GABRB3: variants seen among roughly 807,000 people sequenced by gnomAD.
GABRB3 encodes the protein gamma-aminobutyric acid receptor subunit beta-3.
GABRB3 carries 14 observed loss-of-function variants against 52.1 expected under a neutral mutation model. The ratio of observed to expected loss-of-function variants is 0.27; its 90% CI spans 0.18 to 0.42. The LOEUF (loss-of-function observed/expected upper bound fraction) is 0.42, where lower values mean the gene tolerates loss of function less well. Among genes scored for constraint, GABRB3 ranks in the 10% least tolerant of loss-of-function variants. GABRB3 has a pLI of 1.00. For missense variants in GABRB3, 307 were observed against 609.1 expected (o/e 0.50, Z 5.22); for synonymous variants, 260 against 232.3 (o/e 1.12, Z -1.08).
Position 26,647,794 on chromosome 15 carries a change from G to C in GABRB3, c.241-26260C>G, listed in dbSNP as rs752256402. On this transcript the variant is annotated intron_variant, in intron 3 of 8. Coordinates refer to ENST00000311550, the MANE Select transcript of GABRB3 (RefSeq NM_000814.6). ...AAAGGCAGGATAAGGCAGGATCCCA[G>C]AGCGGGGCTGCCTGGCCAGCACTAG... Among the ~76,000 whole-genome samples, 9 of 151,726 alleles carry C rather than the reference G, an allele frequency of 5.9e-5. No individual in the cohort carries two copies. The East Asian group carries it at 7.7e-4, about 13-fold the overall frequency.
chr15:26,640,769 G>A (rs144653531), intron 3 of GABRB3, among the ~76,000 whole-genome samples: 16 of 152,346 alleles, frequency 1.1e-4, no homozygotes, highest in African/African-American at 3.6e-4. Context: ...CCACCGCGGA[G>A]ATGATTACAC....
intron 3 of GABRB3, among the ~76,000 whole-genome samples, chr15:26,684,718 A>G (rs893147541): frequency 8.5e-5 from 13 of 152,090 alleles, no homozygotes; most frequent in Non-Finnish European, 1.2e-4. Context: ...GAGAGAGAGA[A>G]AGAGAGAGAC....
chr15:26,624,257 G>A (rs1476633033), intron 3 of GABRB3: 2 of 985,618 alleles, frequency 2.0e-6, no homozygotes, highest in Non-Finnish European at 2.4e-6. Flanking sequence ...CAAAGTTGTG[G>A]TTTCACAACA....
At chr15:26,707,587 T>C (rs897630295) in intron 3 of GABRB3, among the ~76,000 whole-genome samples, 1 of 152,214 alleles carries the variant, frequency 6.6e-6, no homozygotes, top group Admixed American at 6.5e-5. Flanking sequence ...GCATTCATTA[T>C]TGGCAATGGT....
At chr15:26,643,032 A>G (rs368301146) in intron 3 of GABRB3, among the ~76,000 whole-genome samples, 66 of 152,090 alleles carry the variant, frequency 4.3e-4, no homozygotes, top group African/African-American at 1.6e-3. Flanking sequence ...CCATCTCACC[A>G]AAGAACCCTC....
At chr15:26,652,788 G>A (rs1180183500) in intron 3 of GABRB3, among the ~76,000 whole-genome samples, 1 of 152,122 alleles carries the variant, frequency 6.6e-6, no homozygotes, top group East Asian at 1.9e-4. Flanking sequence ...CTGCAACAAT[G>A]AAAATGTTTA....
At position 26,771,541 on chromosome 15, in the gene GABRB3, T is replaced by C. The variant is rs150441527; in HGVS notation, c.240+861A>G. ...TCCAGAGTGTCCCTCCGCAGAAAAC[T>C]AAACTAGTTTTCAAATCCCACGGCG... On this transcript the variant is annotated intron_variant, in intron 3 of 8. Transcript: ENST00000311550. Among the ~76,000 whole-genome samples the C allele has an allele frequency of 2.7e-3, 412 of 152,310 alleles. 3 individuals carry two copies. Among genetic ancestry groups the C allele is most frequent in the African/African-American group, 9.4e-3 (392 of 41,576 alleles).
At chr15:26,683,833 T>C (rs1888317245) in intron 3 of GABRB3, among the ~76,000 whole-genome samples, 2 of 152,096 alleles carry the variant, frequency 1.3e-5, no homozygotes, top group Admixed American at 1.3e-4. Context: ...AAGGAAAGAA[T>C]GGCATGAAGA....
rs1889234207 is a variant in GABRB3 at position 26,546,221 on chromosome 15, T to C, written c.*1572A>G. On this transcript the variant is annotated 3_prime_UTR_variant, in exon 9 of 9. Coordinates refer to ENST00000311550, the MANE Select transcript of GABRB3 (RefSeq NM_000814.6). ...TTTTTCTCCAAATGCTCAACTTCAC[T>C]GTGACACCTGTTTGCACAACTGTAG... The C allele has an allele frequency of 1.3e-5, 2 of 152,778 alleles. No homozygotes were observed. The highest frequency in any genetic ancestry group is 2.4e-5 in the African/African-American group (1 of 41,586). 9.5% of individuals were successfully genotyped at this position (152,778 alleles called of 1,614,324 possible).
chr15:26,712,685 C>T (rs1026201711), intron 3 of GABRB3, among the ~76,000 whole-genome samples: 9 of 152,054 alleles, frequency 5.9e-5, no homozygotes, highest in Non-Finnish European at 1.3e-4. Context: ...GTCAGTGTTG[C>T]TGCAGTGTGT....
At chr15:26,585,039 G>T (rs1242516748) in intron 4 of GABRB3, among the ~76,000 whole-genome samples, 1 of 152,218 alleles carries the variant, frequency 6.6e-6, no homozygotes, top group African/African-American at 2.4e-5. Context: ...AGCAAAGGAT[G>T]AGAAAGCATC....
At chr15:26,557,239 GAAA>G (rs1567101465) in intron 8 of GABRB3, among the ~76,000 whole-genome samples, 3 of 152,036 alleles carry the variant, frequency 2.0e-5, no homozygotes, top group South Asian at 2.1e-4. Flanking sequence ...ATGAATGGAC[GAAA>G]AAAAGGAAAC....
intron 3 of GABRB3, among the ~76,000 whole-genome samples, chr15:26,690,842 C>G (rs1057129218): frequency 6.7e-6 from 1 of 149,194 alleles, no homozygotes; most frequent in Non-Finnish European, 1.5e-5. Flanking sequence ...GATCAAAATT[C>G]TTGCTCTGTT....
chr15:26,660,318 C>T (rs757471719), intron 3 of GABRB3, among the ~76,000 whole-genome samples: 4 of 151,964 alleles, frequency 2.6e-5, no homozygotes, highest in Admixed American at 1.3e-4. Context: ...AGAAATATGG[C>T]TATTTCCATA....
chr15:26,692,046 T>C (rs902292954), intron 3 of GABRB3, among the ~76,000 whole-genome samples: 2 of 152,166 alleles, frequency 1.3e-5, no homozygotes, highest in African/African-American at 4.8e-5. Flanking sequence ...CTATAGTAAA[T>C]TAGACTAAAG....
At chr15:26,719,099 C>CA (rs1889577293) in intron 3 of GABRB3, among the ~76,000 whole-genome samples, 2 of 152,262 alleles carry the variant, frequency 1.3e-5, no homozygotes, top group African/African-American at 4.8e-5. Context: ...TCTGGGCAGG[C>CA]ACATGCACAT....
chr15:26,623,699 G>C (rs1892574441), intron 3 of GABRB3, among the ~76,000 whole-genome samples: 1 of 152,088 alleles, frequency 6.6e-6, no homozygotes, highest in East Asian at 1.9e-4. Flanking sequence ...AACTGCCCCA[G>C]GTCCAGGTAA....
intron 3 of GABRB3, among the ~76,000 whole-genome samples, chr15:26,751,596 C>G (rs1433162667): frequency 6.6e-6 from 1 of 151,810 alleles, no homozygotes; most frequent in Non-Finnish European, 1.5e-5. Flanking sequence ...TTCCAAAGCA[C>G]CCTTAAAAAA....
At chr15:26,615,874 C>CCAA in intron 4 of GABRB3, 1 of 1,247,898 alleles carries the variant, frequency 8.0e-7, no homozygotes, top group Non-Finnish European at 1.0e-6. Context: ...TACAGCCAGT[C>CCAA]CAACCAGTAT....
Sources: gnomAD v4.1 joint callset for allele counts (sites outside exome capture counted in the v4.1 genomes callset) on GRCh38, gnomAD v4.1.1 for gene constraint, MANE v1.5 for transcripts, NCBI Gene and HGNC (gene_info 2026-07-23, HGNC 2026-07-21) for gene names.